Variants in CHD9 observed in about 807,000 individuals in gnomAD.
CHD9 encodes the protein ATP-dependent chromatin remodeler CHD9.
Under a neutral mutation model 316.1 loss-of-function variants are expected in CHD9, and 77 were observed. The ratio of observed to expected loss-of-function variants is 0.24; its 90% CI spans 0.20 to 0.29. The LOEUF is 0.29. Among genes scored for constraint, CHD9 ranks in the 10% least tolerant of loss-of-function variants. The probability of loss-of-function intolerance (pLI) is 1.00; values close to 1 mark genes in which losing one functional copy is unlikely to be tolerated. For synonymous variants in CHD9, 1,129 were observed against 1,158.3 expected (o/e 0.97, Z 0.51); for missense variants, 2,763 against 3,438.1 (o/e 0.80, Z 4.91).
intron 1 of CHD9, among the ~76,000 whole-genome samples, chr16:53,133,724 G>T (rs1267909618): frequency 6.6e-6 from 1 of 152,120 alleles, no homozygotes; most frequent in Non-Finnish European, 1.5e-5. Context: ...GAAAAAGCCC[G>T]TGACAAGATA....
chr16:53,064,002 ATT>A (rs78905561), intron 1 of CHD9, among the ~76,000 whole-genome samples: 2 of 142,174 alleles, frequency 1.4e-5, no homozygotes, highest in Non-Finnish European at 1.5e-5. Context: ...TGCCCAGCTA[ATT>A]TTTTTTTTTT....
chr16:53,309,347 A>C (rs1480829782), intron 34 of CHD9, among the ~76,000 whole-genome samples: 2 of 152,176 alleles, frequency 1.3e-5, no homozygotes, highest in East Asian at 3.8e-4. Flanking sequence ...AATTGTCAGA[A>C]AATTCCTCTA....
intron 1 of CHD9, among the ~76,000 whole-genome samples, chr16:53,111,595 T>C (rs2037870924): frequency 6.6e-6 from 1 of 152,242 alleles, no homozygotes. Context: ...AACCCCAGGC[T>C]GATGAAATGA....
At chr16:53,206,859 G>T (rs564869301) in intron 2 of CHD9, among the ~76,000 whole-genome samples, 9 of 152,210 alleles carry the variant, frequency 5.9e-5, no homozygotes, top group East Asian at 3.9e-4. Context: ...TATTAATCAG[G>T]ATTACATTAG....
At position 53,135,752 on chromosome 16, in the gene CHD9, CAT is replaced by C. The variant is rs1358072420; in HGVS notation, c.-164-20171_-164-20170del. On this transcript the variant is annotated intron_variant, in intron 1 of 38. Transcript: ENST00000447540. The stretch of plus-strand genomic sequence containing the variant: ...CTAGAAGTGTGATACCATACAATGA[CAT>C]ATTCATATTGTGTTATTTGAGAGGA... 6.6e-5 allele frequency among the ~76,000 whole-genome samples: 10 copies of C among 152,254 alleles called. No individual in the cohort carries two copies. The East Asian group carries it at 1.9e-3, about 29-fold the overall frequency.
At chr16:53,250,133 T>C in intron 17 of CHD9, 67 bp downstream of exon 17, 1 of 1,090,080 alleles carries the variant, frequency 9.2e-7, no homozygotes, top group Non-Finnish European at 1.3e-6. Flanking sequence ...AACTTTTTGG[T>C]AATCCACATC....
chr16:53,227,823 C>G (rs757846982), intron 7 of CHD9: 2 of 171,644 alleles, frequency 1.2e-5, no homozygotes, highest in Non-Finnish European at 2.4e-5. Context: ...TGGTGGCTCA[C>G]ATCTGTATTC....
At chr16:53,227,282 A>G (rs1018538853) in intron 5 of CHD9, 114 bp from the exon 6 acceptor site, 4 of 658,466 alleles carry the variant, frequency 6.1e-6, no homozygotes, top group Non-Finnish European at 1.1e-5. Context: ...AGTGTCTAGC[A>G]TATATGCTGT....
At position 53,314,034 on chromosome 16, in the gene CHD9, T is replaced by A. The variant is rs185597760; in HGVS notation, c.7223-343T>A. 3.7e-3 allele frequency among the ~76,000 whole-genome samples: 563 copies of A among 152,066 alleles called. 4 individuals are homozygous for A. The highest frequency in any genetic ancestry group is 0.012 in the African/African-American group (499 of 41,506). On this transcript the variant is annotated intron_variant, in intron 34 of 38. Transcript: ENST00000447540. ...AAAAGCAGAGATAAATGATTTTTTT[T>A]AAAAAAACAAGCTTTTGAAAGTATA...
At position 53,229,096 on chromosome 16, in the gene CHD9, C is replaced by A; in HGVS notation, c.2282C>A (p.Ala761Glu). The change falls in exon 8 of 39, where the codon GCA becomes GAA. Residue 761 changes from alanine (A) to glutamate (E), a missense_variant. By Grantham distance (107) the Ala-to-Glu change is moderately radical. Coordinates refer to ENST00000447540, the MANE Select transcript of CHD9 (RefSeq NM_001308319.2). ...CAAGCACAAAGAGCACATTTTTTTG[C>A]AGACGTAAGAAAAAAATAAATAAGA... The part of the protein sequence containing the change: ...LRQAQRAHFF[A>E]DMEEEPFNPD... 6.5e-7 allele frequency: 1 copy of A among 1,533,506 alleles called. No homozygotes were observed. Among genetic ancestry groups the A allele is most frequent in the Admixed American group, 1.8e-5 (1 of 54,668 alleles). The allele number at this position is 1,533,506 out of a possible 1,614,324, so 95.0% of individuals were successfully genotyped here.
chr16:53,208,664 T>G (rs756567539), intron 2 of CHD9: 110 of 991,774 alleles, frequency 1.1e-4, no homozygotes, highest in Non-Finnish European at 1.3e-4. Flanking sequence ...TGTTTGGAAA[T>G]TCCTGATGGT....
At chr16:53,242,378 C>G (rs1008138001) in intron 12 of CHD9, among the ~76,000 whole-genome samples, 1 of 152,158 alleles carries the variant, frequency 6.6e-6, no homozygotes, top group African/African-American at 2.4e-5. Flanking sequence ...ATATCTCCAG[C>G]AACTAGAACA....
chr16:53,092,769 A>ATTATTTAT lies in CHD9; in HGVS notation c.-165+37712_-165+37719dup, dbSNP rs533269952. ...TTCCAGAGGCACCTGCACCTTTATTATTATTTATTTATTTATTTATTTATT... is the reference window on the plus strand; with the variant it reads ...TTCCAGAGGCACCTGCACCTTTATTATTATTTATTTATTTATTTATTTATTTATTTATT... On this transcript the variant is annotated intron_variant, in intron 1 of 38. Coordinates refer to ENST00000447540, the MANE Select transcript of CHD9 (RefSeq NM_001308319.2). Among the ~76,000 whole-genome samples the ATTATTTAT allele has an allele frequency of 1.2e-4, 18 of 151,690 alleles. 1 individual carries two copies. The highest frequency in any genetic ancestry group is 4.2e-4 in the South Asian group (2 of 4,794).
At chr16:53,191,600 A>T (rs2044485056) in intron 2 of CHD9, among the ~76,000 whole-genome samples, 1 of 152,122 alleles carries the variant, frequency 6.6e-6, no homozygotes, top group Non-Finnish European at 1.5e-5. Flanking sequence ...TGTCTAAGGC[A>T]GTAGTTTGTT....
At chr16:53,122,851 C>A (rs554533172) in intron 1 of CHD9, among the ~76,000 whole-genome samples, 1 of 151,564 alleles carries the variant, frequency 6.6e-6, no homozygotes, top group East Asian at 1.9e-4. Flanking sequence ...GGACTATAGG[C>A]GCCCGCTACC....
intron 8 of CHD9, among the ~76,000 whole-genome samples, 192 bp from the exon 9 acceptor site, chr16:53,231,227 G>A (rs1214766798): frequency 1.3e-5 from 2 of 152,088 alleles, no homozygotes; most frequent in East Asian, 3.9e-4. Flanking sequence ...GTACTATTTG[G>A]TTTTATTATT....
chr16:53,078,545 T>G (rs1334215540), intron 1 of CHD9, among the ~76,000 whole-genome samples: 6 of 152,242 alleles, frequency 3.9e-5, no homozygotes, highest in Admixed American at 1.3e-4. Flanking sequence ...GTCTGTAGTA[T>G]TCTGTTATAG....
chr16:53,303,941 G>A lies in CHD9; in HGVS notation c.5935G>A (p.Val1979Met), dbSNP rs2153080748. Residue 1979 changes from valine to methionine, a missense_variant, in exon 31 of 39, where the codon GTG becomes ATG. Coordinates refer to ENST00000447540, the MANE Select transcript of CHD9 (RefSeq NM_001308319.2). ...GCTTATTGGTGCTGCCAAACACGGG[G>A]TGAGCCGAACAGACTATCACATTCT... ...DLLIGAAKHGVSRTDYHILRD... is the reference protein window; with the variant it reads ...DLLIGAAKHGMSRTDYHILRD... The A allele has an allele frequency of 1.2e-6, 2 of 1,614,004 alleles. No homozygotes were observed. The highest frequency in any genetic ancestry group is 1.7e-6 in the Non-Finnish European group (2 of 1,179,888).
At chr16:53,130,187 C>T (rs2039158633) in intron 1 of CHD9, among the ~76,000 whole-genome samples, 1 of 151,474 alleles carries the variant, frequency 6.6e-6, no homozygotes, top group Non-Finnish European at 1.5e-5. Context: ...CGGCGGGCGC[C>T]GGCTACTGCA....
Sources: allele counts gnomAD v4.1 joint callset (sites outside exome capture counted in the v4.1 genomes callset), GRCh38; gene constraint gnomAD v4.1.1; transcripts MANE v1.5; gene names NCBI Gene and HGNC (gene_info 2026-07-23, HGNC 2026-07-21).